SEL1L: variants seen among roughly 807,000 people sequenced by gnomAD.
The protein encoded by SEL1L is protein sel-1 homolog 1.
SEL1L carries 52 observed loss-of-function variants against 109.8 expected under a neutral mutation model. That is an observed-to-expected ratio of 0.47 (90% confidence interval 0.38 to 0.60). The LOEUF (loss-of-function observed/expected upper bound fraction) is 0.60, where lower values mean the gene tolerates loss of function less well. SEL1L is among the 20% of genes least tolerant of loss of function. The pLI is 0.00. For synonymous variants in SEL1L, 373 were observed against 339.6 expected (o/e 1.10, Z -1.08); for missense variants, 749 against 962.2 (o/e 0.78, Z 2.93).
intron 17 of SEL1L, among the ~76,000 whole-genome samples, 184 bp from the exon 18 acceptor site, chr14:81,485,930 G>T (rs1903507161): frequency 6.6e-6 from 1 of 152,184 alleles, no homozygotes; most frequent in Admixed American, 6.5e-5. Flanking sequence ...ATCACTGGAT[G>T]CAAGAGGGCA....
chr14:81,491,935 T>C (rs1883552852), intron 12 of SEL1L, among the ~76,000 whole-genome samples: 2 of 152,156 alleles, frequency 1.3e-5, no homozygotes, highest in Admixed American at 1.3e-4. Context: ...GCATCAAGAA[T>C]ACATTCCTCA....
chr14:81,490,449 C>T lies in SEL1L; in HGVS notation c.1271G>A (p.Ser424Asn). The T allele has an allele frequency of 6.2e-7, 1 of 1,613,686 alleles. No individual in the cohort carries two copies. The highest frequency in any genetic ancestry group is 8.5e-7 in the Non-Finnish European group (1 of 1,179,586). The change falls in exon 13 of 21, where the codon AGT (serine) becomes AAT (asparagine). Residue 424 changes from serine (S) to asparagine (N), a missense_variant. This residue lies in a region of SEL1L where 383 missense variants were observed against 562.5 expected (regional missense o/e 0.68). Transcript: ENST00000336735. ...AFLGKMYSEG[S>N]DIVPQSNETA... is the part of the protein sequence containing the mutation. ...CTCATTACTCTGAGGTACAATGTCA[C>T]TTCCTTCCGAATACATCTGGAAAAC...
Position 81,526,781 on chromosome 14 carries a change from T to C in SEL1L, c.292A>G (p.Asn98Asp), listed in dbSNP as rs149075213. 27 of 1,608,900 alleles carry C rather than the reference T, an allele frequency of 1.7e-5. No individual in the cohort carries two copies. Among genetic ancestry groups the C allele is most frequent in the Non-Finnish European group, 2.2e-5 (26 of 1,178,752 alleles). Residue 98 changes from asparagine (N) to aspartate (D), a missense_variant, in exon 3 of 21, where the codon AAT becomes GAT. This residue lies in a region of SEL1L where 366 missense variants were observed against 399.8 expected (regional missense o/e 0.92). Transcript: ENST00000336735. ...TEDISFLESP[N>D]PENKDYEEPK... is the part of the protein sequence containing the mutation. ...TCTTCATAGTCCTTGTTTTCTGGATTTGGAGACTCTAGAAAGCTGATATCT... is the reference window on the plus strand; with the variant it reads ...TCTTCATAGTCCTTGTTTTCTGGATCTGGAGACTCTAGAAAGCTGATATCT...
intron 13 of SEL1L, 70 bp from the exon 14 acceptor site, chr14:81,489,384 G>A (rs1883457198): frequency 8.2e-7 from 1 of 1,225,772 alleles, no homozygotes; most frequent in Admixed American, 1.9e-5. Context: ...ATAAATAACT[G>A]CAAAATAAAT....
chr14:81,520,800 G>T (rs1884877279), intron 3 of SEL1L, among the ~76,000 whole-genome samples: 2 of 152,142 alleles, frequency 1.3e-5, no homozygotes, highest in African/African-American at 4.8e-5. Flanking sequence ...GATGTATGTA[G>T]GCATGACTCT....
chr14:81,487,759 T>C, intron 15 of SEL1L, 96 bp downstream of exon 15: 1 of 1,556,980 alleles, frequency 6.4e-7, no homozygotes, highest in Non-Finnish European at 8.7e-7. Flanking sequence ...CCAGCCAGAA[T>C]TTGATAGCAC....
At chr14:81,527,570 T>A (rs1214281574) in intron 2 of SEL1L, 131 bp downstream of exon 2, 3 of 581,814 alleles carry the variant, frequency 5.2e-6, no homozygotes, top group Non-Finnish European at 8.7e-6. Context: ...ACTAATACCA[T>A]CTGTCTTTTT....
At chr14:81,510,158 T>C (rs1362061591) in intron 3 of SEL1L, among the ~76,000 whole-genome samples, 1 of 152,092 alleles carries the variant, frequency 6.6e-6, no homozygotes, top group Non-Finnish European at 1.5e-5. Flanking sequence ...GGGGTTAAGA[T>C]GAGGATCAGG....
chr14:81,506,833 A>T (rs1884259242), intron 3 of SEL1L, among the ~76,000 whole-genome samples: 1 of 152,214 alleles, frequency 6.6e-6, no homozygotes, highest in Non-Finnish European at 1.5e-5. Flanking sequence ...ATTTATGAGT[A>T]TCTCTTAGGT....
chr14:81,501,596 A>G (rs1157984398), intron 6 of SEL1L, among the ~76,000 whole-genome samples: 3 of 152,132 alleles, frequency 2.0e-5, no homozygotes. Flanking sequence ...GACTCCTGTT[A>G]TTGTTTATAT....
intron 3 of SEL1L, among the ~76,000 whole-genome samples, chr14:81,510,846 C>T (rs543252525): frequency 6.6e-6 from 1 of 152,180 alleles, no homozygotes; most frequent in Non-Finnish European, 1.5e-5. Context: ...AACCTCAAGA[C>T]AACTGTCATA....
At chr14:81,510,458 T>C (rs1024989165) in intron 3 of SEL1L, among the ~76,000 whole-genome samples, 5 of 147,430 alleles carry the variant, frequency 3.4e-5, no homozygotes, top group Admixed American at 2.7e-4. Flanking sequence ...AAGGTAAACA[T>C]AGCTAGAATG....
chr14:81,533,476 T>A (rs1240502839), intron 1 of SEL1L, among the ~76,000 whole-genome samples, 199 bp downstream of exon 1: 1 of 152,174 alleles, frequency 6.6e-6, no homozygotes, highest in Non-Finnish European at 1.5e-5. Context: ...TGACCGCCCC[T>A]TCTTTTTCCA....
chr14:81,477,461 C>T (rs1289259914), intron 20 of SEL1L, among the ~76,000 whole-genome samples: 1 of 151,834 alleles, frequency 6.6e-6, no homozygotes, highest in African/African-American at 2.4e-5. Flanking sequence ...ACCAGTAATC[C>T]AATACGCTAA....
Position 81,506,183 on chromosome 14 carries a change from G to C in SEL1L, c.399C>G (p.Phe133Leu). 1 of 1,613,450 alleles carries C rather than the reference G, an allele frequency of 6.2e-7. No individual in the cohort carries two copies. Among genetic ancestry groups the C allele is most frequent in the Non-Finnish European group, 8.5e-7 (1 of 1,179,692 alleles). The change falls in exon 4 of 21, where the codon TTC becomes TTG. Residue 133 changes from phenylalanine (F) to leucine (L), a missense_variant. By Grantham distance (22) the Phe-to-Leu change is conservative (BLOSUM62 0). Transcript: ENST00000336735. ...TACATTCATCATACTCCTTATCTAG[G>C]AAAAGAAAAGGGAAGTGGCAGGGCT... is the stretch of plus-strand genomic sequence containing the variant. ...HGEPCHFPFL[F>L]LDKEYDECTS...
chr14:81,480,832 AG>A (rs1345815263), intron 19 of SEL1L, among the ~76,000 whole-genome samples: 4 of 152,232 alleles, frequency 2.6e-5, no homozygotes, highest in African/African-American at 9.6e-5. Context: ...TGCTGAGAAT[AG>A]GCCTGTATGC....
At chr14:81,480,252 G>A (rs573592301) in intron 19 of SEL1L, among the ~76,000 whole-genome samples, 3 of 151,988 alleles carry the variant, frequency 2.0e-5, no homozygotes, top group South Asian at 4.2e-4. Context: ...GCAGTGGCGC[G>A]ATCTCGGCTC....
chr14:81,493,167 CT>C (rs1319682558), intron 11 of SEL1L, among the ~76,000 whole-genome samples: 1 of 152,168 alleles, frequency 6.6e-6, no homozygotes, highest in Admixed American at 6.5e-5. Context: ...ACTTCTCCCT[CT>C]TTTGGAACCA....
intron 3 of SEL1L, among the ~76,000 whole-genome samples, chr14:81,508,529 T>G (rs1884333265): frequency 6.6e-6 from 1 of 152,036 alleles, no homozygotes; most frequent in Admixed American, 6.6e-5. Flanking sequence ...GGCAGATCAC[T>G]TGAACCCAGG....
Sources: gnomAD v4.1 joint callset for allele counts (sites outside exome capture counted in the v4.1 genomes callset) on GRCh38, gnomAD v4.1.1 for gene constraint, gnomAD v4.1.1 regional missense constraint, MANE v1.5 for transcripts, NCBI Gene and HGNC (gene_info 2026-07-23, HGNC 2026-07-21) for gene names.